Variants in SORBS2 observed in about 807,000 individuals in gnomAD.
SORBS2 encodes sorbin and SH3 domain-containing protein 2.
A neutral mutation model predicts 97.7 loss-of-function variants in SORBS2; 46 were observed. The ratio of observed to expected loss-of-function variants is 0.47; its 90% confidence interval spans 0.37 to 0.60. The LOEUF (loss-of-function observed/expected upper bound fraction) is 0.60, where lower values mean the gene tolerates loss of function less well. Among genes scored for constraint, SORBS2 ranks in the 20% least tolerant of loss-of-function variants. The probability of loss-of-function intolerance (pLI) is 0.00; values close to 1 mark genes in which losing one functional copy is unlikely to be tolerated. For missense variants in SORBS2, 1,316 were observed against 1,282.3 expected (o/e 1.03, Z -0.40); for synonymous variants, 476 against 473.4 (o/e 1.01, Z -0.07).
chr4:185,624,595 A>G, intron 6 of SORBS2, 101 bp from the exon 19 acceptor site: 1 of 1,282,174 alleles, frequency 7.8e-7, no homozygotes, highest in Non-Finnish European at 1.1e-6. Context: ...ACAGCATAGC[A>G]AGGAGAAAGC....
At chr4:185,649,409 T>C in intron 3 of SORBS2, 58 bp downstream of exon 12, 1 of 1,382,252 alleles carries the variant, frequency 7.2e-7, no homozygotes. Context: ...CTGAATGCCA[T>C]GTAGACTTAT....
At chr4:185,919,145 T>C (rs2099259773) in intron 1 of SORBS2, among the ~76,000 whole-genome samples, 1 of 152,206 alleles carries the variant, frequency 6.6e-6, no homozygotes, top group African/African-American at 2.4e-5. Flanking sequence ...TTTCCTCTTT[T>C]ATGAACCAGC....
At chr4:185,886,569 A>AG (rs1554046517) in intron 1 of SORBS2, among the ~76,000 whole-genome samples, 5 of 137,658 alleles carry the variant, frequency 3.6e-5, no homozygotes, top group Admixed American at 1.6e-4. Flanking sequence ...AAAAAAAAAA[A>AG]AAAAGAAAAG....
At chr4:185,672,633 A>C (rs1393152372) in intron 4 of SORBS2, among the ~76,000 whole-genome samples, 3 of 152,218 alleles carry the variant, frequency 2.0e-5, no homozygotes, top group Non-Finnish European at 4.4e-5. Flanking sequence ...TCTAACAGTG[A>C]CCTGTAGTTT....
intron 1 of SORBS2, among the ~76,000 whole-genome samples, chr4:185,780,610 A>G (rs559360206): frequency 2.0e-5 from 3 of 152,162 alleles, no homozygotes; most frequent in Non-Finnish European, 4.4e-5. Context: ...TCTTAAACCT[A>G]TGCTTTCTCT....
At chr4:185,765,371 C>A (rs562508136) in intron 2 of SORBS2, among the ~76,000 whole-genome samples, 1 of 141,952 alleles carries the variant, frequency 7.0e-6, no homozygotes, top group Non-Finnish European at 1.6e-5. Context: ...AATGTTTTTA[C>A]ACCTGTGGTT....
intron 1 of SORBS2, chr4:185,933,277 T>C (rs867910003): frequency 6.6e-5 from 10 of 152,224 alleles, no homozygotes; most frequent in African/African-American, 2.2e-4. Flanking sequence ...ACAGCAGTTC[T>C]AGAGTATCGC....
At chr4:185,667,320 T>C (rs1582251112) in intron 4 of SORBS2, among the ~76,000 whole-genome samples, 1 of 152,334 alleles carries the variant, frequency 6.6e-6, no homozygotes, top group Admixed American at 6.5e-5. Flanking sequence ...TGGTGTTCTT[T>C]GGCAGCCATA....
chr4:185,653,828 C>A lies in SORBS2; in HGVS notation c.25-1100G>T, dbSNP rs564573657. On this transcript the variant is annotated intron_variant, in intron 1 of 14. Coordinates refer to ENST00000418609, the Ensembl canonical transcript of SORBS2. ...AGATCTTACCCCAACTCTCTGAGAG[C>A]TACCTGGGCAACAGGCTTGATGATT... 2.0e-5 allele frequency among the ~76,000 whole-genome samples: 3 copies of A among 152,344 alleles called. No homozygotes were observed. The South Asian group carries it at 6.2e-4, about 32-fold the overall frequency.
rs527857493 is a variant in SORBS2 at position 185,656,876 on chromosome 4, G to A, written c.-238C>T. On this transcript the variant is annotated 5_prime_UTR_variant, in exon 1 of 15. Coordinates refer to ENST00000418609, the Ensembl canonical transcript of SORBS2. Reference sequence around the variant, plus strand: ...CTCTCAGCAGGCACGGCTGAAGAGGGACATTAAAATGTGTATTTTTCTTCA... The same window carrying A: ...CTCTCAGCAGGCACGGCTGAAGAGGAACATTAAAATGTGTATTTTTCTTCA... 66 of 1,281,552 alleles carry A rather than the reference G, an allele frequency of 5.2e-5. No homozygotes were observed. The African/African-American group carries it at 1.0e-3, about 20-fold the overall frequency. The allele number at this position is 1,281,552 out of a possible 1,614,324, so 79.4% of individuals were successfully genotyped here.
intron 2 of SORBS2, among the ~76,000 whole-genome samples, chr4:185,710,307 G>C (rs1349467065): frequency 6.6e-6 from 1 of 152,246 alleles, no homozygotes; most frequent in East Asian, 1.9e-4. Flanking sequence ...CCTGGGAGCT[G>C]TGGATGCCTC....
At chr4:185,627,768 T>C (rs910660482) in intron 5 of SORBS2, among the ~76,000 whole-genome samples, 1 of 152,152 alleles carries the variant, frequency 6.6e-6, no homozygotes, top group Non-Finnish European at 1.5e-5. Flanking sequence ...TGTGTGTCCA[T>C]CATTAATGTG....
At chr4:185,821,502 C>A (rs2099196793) in intron 1 of SORBS2, among the ~76,000 whole-genome samples, 1 of 152,186 alleles carries the variant, frequency 6.6e-6, no homozygotes, top group Non-Finnish European at 1.5e-5. Context: ...CAGCTCACTG[C>A]CACCTCCACC....
intron 1 of SORBS2, among the ~76,000 whole-genome samples, chr4:185,852,308 C>T (rs567958540): frequency 3.3e-5 from 5 of 152,252 alleles, no homozygotes; most frequent in African/African-American, 9.6e-5. Flanking sequence ...CGCTTTCAGC[C>T]CATTGCTGTA....
At position 185,606,482 on chromosome 4, in the gene SORBS2, A is replaced by G; in HGVS notation, c.2796+5298T>C. ...ATAGTATTTGTGTTTTTTGTTTAAA[A>G]AAATCTGTTAGTCAAAATAGGTATT... On this transcript the variant is annotated intron_variant, in intron 12 of 14. Coordinates refer to ENST00000418609, the Ensembl canonical transcript of SORBS2. This position sits in a 1 kb window ranked among gnomAD's most constrained non-coding sequence, Gnocchi z 4.3. 3.1e-6 allele frequency: 3 copies of G among 983,266 alleles called. No individual in the cohort carries two copies. Among genetic ancestry groups the G allele is most frequent in the Non-Finnish European group, 2.4e-6 (2 of 827,964 alleles). 60.9% of individuals were successfully genotyped at this position (983,266 alleles called of 1,614,324 possible).
chr4:185,870,834 C>T (rs1437807997), intron 1 of SORBS2, among the ~76,000 whole-genome samples: 3 of 152,162 alleles, frequency 2.0e-5, no homozygotes, highest in African/African-American at 7.2e-5. Context: ...ATTCCATGAA[C>T]ATTAAGGAAA....
At position 185,809,487 on chromosome 4, in the gene SORBS2, A is replaced by ATATAG. The variant is rs2099170564; in HGVS notation, c.-337-34126_-337-34122dup. ...AAAAAAAAAAAAAAAAAAAAATCTG[A>ATATAG]TATAGTATGTTTTGGAAATTCCAAA... On this transcript the variant is annotated intron_variant, in intron 1 of 20. Coordinates refer to the SORBS2 transcript ENST00000284776. Among the ~76,000 whole-genome samples, 3 of 139,284 alleles carry ATATAG rather than the reference A, an allele frequency of 2.2e-5. No homozygotes were observed. In the Admixed American group the frequency reaches 2.2e-4, roughly 10 times the overall value. 91.4% of individuals were successfully genotyped at this position (139,284 alleles called of 152,430 possible). A position where few individuals can be genotyped will look rare whatever the true frequency, so the allele number is the denominator to read the frequency against.
intron 1 of SORBS2, among the ~76,000 whole-genome samples, chr4:185,907,035 C>T (rs558702918): frequency 1.3e-4 from 20 of 151,812 alleles, no homozygotes; most frequent in African/African-American, 4.6e-4. Context: ...ACTCAGGAGG[C>T]TGAGGCAGGA....
intron 1 of SORBS2, among the ~76,000 whole-genome samples, chr4:185,862,776 A>T (rs72707647): frequency 6.6e-6 from 1 of 152,086 alleles, no homozygotes; most frequent in Non-Finnish European, 1.5e-5. Context: ...CTTCAACCTC[A>T]GGTCCCCCTC....
Sources: allele counts gnomAD v4.1 joint callset (sites outside exome capture counted in the v4.1 genomes callset), GRCh38; gene constraint gnomAD v4.1.1; non-coding constraint Gnocchi (gnomAD v3.1); transcripts MANE v1.5; gene names NCBI Gene and HGNC (gene_info 2026-07-23, HGNC 2026-07-21).